Variants in TAF4B observed in about 807,000 individuals in gnomAD.
TAF4B encodes the protein TATA-box binding protein associated factor 4b.
TAF4B carries 38 observed loss-of-function variants against 86.4 expected under a neutral mutation model. That is an observed-to-expected ratio of 0.44 (90% CI 0.34 to 0.58). The LOEUF is 0.58. TAF4B is among the 20% of genes least tolerant of loss of function. The pLI is 0.02. For synonymous variants in TAF4B, 388 were observed against 391.2 expected, an observed-to-expected ratio of 0.99 and a Z score of 0.10; for missense variants, 988 against 1,027.6, an observed-to-expected ratio of 0.96 and a Z score of 0.53.
intron 9 of TAF4B, among the ~76,000 whole-genome samples, chr18:26,297,304 A>G (rs989834865): frequency 6.6e-6 from 1 of 152,148 alleles, no homozygotes; most frequent in African/African-American, 2.4e-5. Flanking sequence ...CCTCTTCGAG[A>G]AAATTCGTTG....
intron 11 of TAF4B, among the ~76,000 whole-genome samples, chr18:26,323,284 G>T (rs537318280): frequency 1.0e-3 from 157 of 152,214 alleles, no homozygotes; most frequent in African/African-American, 3.8e-3. Flanking sequence ...CATCCATCTG[G>T]ATGTTCTATT....
At chr18:26,308,879 C>CAAAAAAAAA (rs71169847) in intron 9 of TAF4B, among the ~76,000 whole-genome samples, 3 of 80,354 alleles carry the variant, frequency 3.7e-5, no homozygotes, top group African/African-American at 1.5e-4. Flanking sequence ...GACTCTGTCT[C>CAAAAAAAAA]AAAAAAAAAA....
intron 6 of TAF4B, among the ~76,000 whole-genome samples, 183 bp downstream of exon 6, chr18:26,282,243 GA>G (rs1303079771): frequency 6.6e-6 from 1 of 152,052 alleles, no homozygotes; most frequent in Non-Finnish European, 1.5e-5. Flanking sequence ...TGGACACTTT[GA>G]AAAAAGAGAA....
chr18:26,291,082 G>A (rs1267037384), intron 7 of TAF4B, among the ~76,000 whole-genome samples: 1 of 152,080 alleles, frequency 6.6e-6, no homozygotes, highest in Non-Finnish European at 1.5e-5. Flanking sequence ...GGAATGTTGT[G>A]TTTCTTGTTA....
At chr18:26,245,911 A>G (rs1412323401) in intron 1 of TAF4B, among the ~76,000 whole-genome samples, 3 of 152,192 alleles carry the variant, frequency 2.0e-5, no homozygotes, top group East Asian at 1.9e-4. Context: ...TGTTTGCACT[A>G]CTTTCTGCTG....
At chr18:26,257,442 A>G (rs1467141102) in intron 1 of TAF4B, among the ~76,000 whole-genome samples, 1 of 152,108 alleles carries the variant, frequency 6.6e-6, no homozygotes, top group African/African-American at 2.4e-5. Flanking sequence ...AGTCTAATGT[A>G]TATCTCTTGT....
chr18:26,243,345 C>G (rs1019856206), intron 1 of TAF4B, among the ~76,000 whole-genome samples: 1 of 152,126 alleles, frequency 6.6e-6, no homozygotes. Context: ...GATCTTCAAT[C>G]ACTGATACCC....
chr18:26,351,684 C>A (rs1446431149), intron 13 of TAF4B, among the ~76,000 whole-genome samples: 3 of 151,838 alleles, frequency 2.0e-5, no homozygotes, highest in Admixed American at 1.3e-4. Flanking sequence ...ACACCAGCAA[C>A]AAACAGAAAA....
intron 14 of TAF4B, among the ~76,000 whole-genome samples, chr18:26,380,638 A>G (rs974399790): frequency 9.2e-5 from 14 of 152,074 alleles, no homozygotes; most frequent in African/African-American, 3.4e-4. Context: ...TTTTTTTAAA[A>G]GTTTTATTTT....
chr18:26,312,998 A>G (rs2056867896), intron 9 of TAF4B, among the ~76,000 whole-genome samples: 2 of 152,316 alleles, frequency 1.3e-5, no homozygotes, highest in South Asian at 2.1e-4. Context: ...CCTTCTTCCT[A>G]TCCCTGGTTT....
chr18:26,237,966 A>G (rs1432243384), intron 1 of TAF4B, among the ~76,000 whole-genome samples: 1 of 152,176 alleles, frequency 6.6e-6, no homozygotes, highest in Admixed American at 6.5e-5. Flanking sequence ...CCCCTGCCGA[A>G]GAACCTGCAA....
intron 9 of TAF4B, among the ~76,000 whole-genome samples, chr18:26,307,079 G>A (rs1047260564): frequency 7.2e-5 from 11 of 152,046 alleles, no homozygotes; most frequent in African/African-American, 1.5e-4. Flanking sequence ...ATGAGCCACC[G>A]TGCCCAGCCT....
Position 26,344,766 on chromosome 18 carries a change from A to G in TAF4B, c.2316+9535A>G, listed in dbSNP as rs149331507. Among the ~76,000 whole-genome samples the G allele has an allele frequency of 2.3e-3, 344 of 152,284 alleles. 1 individual carries two copies. The highest frequency in any genetic ancestry group is 7.2e-3 in the African/African-American group (299 of 41,548). On this transcript the variant is annotated intron_variant, in intron 13 of 14. Transcript: ENST00000269142. ...TCTTCTACAAAAAAGGACTGAGGCA[A>G]TGAATAAACAGATAGGATTTGACTA...
In TAF4B at chr18:26,327,651, A is replaced by C. The variant is rs530098967; in HGVS notation, c.2259+511A>C. Among the ~76,000 whole-genome samples, 5 of 152,256 alleles carry C rather than the reference A, an allele frequency of 3.3e-5. No individual in the cohort carries two copies. The East Asian group carries it at 9.6e-4, about 29-fold the overall frequency. ...AGTGGCATGATCTCGGCTTACTGCA[A>C]CCTCTGCCTCCTGGGTTTAAGCAGT... On this transcript the variant is annotated intron_variant, in intron 12 of 14. Transcript: ENST00000269142.
intron 5 of TAF4B, among the ~76,000 whole-genome samples, chr18:26,276,765 G>A (rs1379418917): frequency 6.6e-6 from 1 of 152,156 alleles, no homozygotes; most frequent in Non-Finnish European, 1.5e-5. Context: ...AGTTTTGAAA[G>A]GGGATATGAT....
intron 13 of TAF4B, among the ~76,000 whole-genome samples, chr18:26,354,445 A>G (rs1044500161): frequency 6.6e-6 from 1 of 152,206 alleles, no homozygotes; most frequent in Admixed American, 6.5e-5. Context: ...CTGCCTTTCC[A>G]TAGAGGCTGG....
chr18:26,345,481 A>T (rs13381260), intron 13 of TAF4B, among the ~76,000 whole-genome samples: 6 of 152,188 alleles, frequency 3.9e-5, no homozygotes, highest in Non-Finnish European at 8.8e-5. Flanking sequence ...ATTTGTATGT[A>T]TATGCCTCTG....
At chr18:26,347,373 AACC>A (rs2057208426) in intron 13 of TAF4B, among the ~76,000 whole-genome samples, 1 of 152,172 alleles carries the variant, frequency 6.6e-6, no homozygotes, top group Non-Finnish European at 1.5e-5. Context: ...AAAAAATGAC[AACC>A]ACCATCATGA....
chr18:26,293,711 G>C (rs569044064), intron 9 of TAF4B, among the ~76,000 whole-genome samples, 180 bp downstream of exon 9: 2 of 152,242 alleles, frequency 1.3e-5, no homozygotes, highest in African/African-American at 4.8e-5. Context: ...ACAGCTTGGT[G>C]AATTTTGTCA....
Sources: gnomAD v4.1 joint callset for allele counts (sites outside exome capture counted in the v4.1 genomes callset) on GRCh38, gnomAD v4.1.1 for gene constraint, MANE v1.5 for transcripts, NCBI Gene and HGNC (gene_info 2026-07-23, HGNC 2026-07-21) for gene names.